The following ABCG8 variants were observed in gnomAD, a reference collection of about 807,000 sequenced individuals.
The protein encoded by ABCG8 is ATP binding cassette subfamily G member 8.
In ABCG8, 81 loss-of-function variants were observed where a neutral mutation model predicts 71.3. The observed-to-expected ratio is 1.14, with a 90% CI of 0.95 to 1.37. ABCG8 has a LOEUF of 1.37. Among genes scored for constraint, ABCG8 ranks in the 40% most tolerant of loss-of-function variants. The pLI is 0.00. For missense variants in ABCG8, 1,119 were observed against 866.2 expected (o/e 1.29, Z -3.66); for synonymous variants, 451 against 354.7 (o/e 1.27, Z -3.05).
In ABCG8 at chr2:43,882,844, A is replaced by G. The variant is rs1474044791; in HGVS notation, c.*4931A>G. The G allele has an allele frequency of 6.6e-6, 1 of 152,252 alleles. No individual in the cohort carries two copies. The highest frequency in any genetic ancestry group is 1.9e-4 in the East Asian group (1 of 5,200). The allele number at this position is 152,252 out of a possible 1,614,324, so 9.4% of individuals were successfully genotyped here. The stretch of plus-strand genomic sequence containing the variant: ...GATTTTTAAACACAAACCAACTCAA[A>G]AACACTTCTCTGCTTTCTATGTAAT... On this transcript the variant is annotated 3_prime_UTR_variant, in exon 13 of 13. Transcript: ENST00000272286.
At chr2:43,853,090 C>T (rs370345908) in intron 6 of ABCG8, among the ~76,000 whole-genome samples, 1 of 152,260 alleles carries the variant, frequency 6.6e-6, no homozygotes, top group Non-Finnish European at 1.5e-5. Flanking sequence ...CCCTTCTGTG[C>T]ATGATAGATT....
intron 6 of ABCG8, among the ~76,000 whole-genome samples, chr2:43,857,986 A>G (rs1469624223): frequency 1.3e-5 from 2 of 151,308 alleles, no homozygotes; most frequent in South Asian, 2.1e-4. Flanking sequence ...CTCACTATCT[A>G]TCTATAGAAT....
Position 43,852,493 on chromosome 2 carries a change from G to T in ABCG8, c.694+7G>T, listed in dbSNP as rs777435511. 3.9e-5 allele frequency: 63 copies of T among 1,613,148 alleles called. No homozygotes were observed. Among genetic ancestry groups the T allele is most frequent in the Non-Finnish European group, 5.3e-5 (62 of 1,179,598 alleles). Reference sequence around the variant, plus strand: ...CAGCTCCTGTGGAACCCAGGTGAGGGCCTGGGGGGCAGATGGGGGCAGAGG... The same window carrying T: ...CAGCTCCTGTGGAACCCAGGTGAGGTCCTGGGGGGCAGATGGGGGCAGAGG... On this transcript the variant is annotated splice_region_variant and intron_variant, in intron 5 of 12. Transcript: ENST00000272286.
At position 43,882,246 on chromosome 2, in the gene ABCG8, C is replaced by G. The variant is rs1424406600; in HGVS notation, c.*4333C>G. On this transcript the variant is annotated 3_prime_UTR_variant, in exon 13 of 13. Transcript: ENST00000272286. ...TCTACAGAGGTAGATCTCGCATTTG[C>G]TTTTGTTTTCTTCTACTTCAACTCT... The G allele has an allele frequency of 6.6e-6, 1 of 150,936 alleles. No individual in the cohort carries two copies. Among genetic ancestry groups the G allele is most frequent in the Non-Finnish European group, 1.5e-5 (1 of 67,712 alleles). 9.3% of individuals were successfully genotyped at this position (150,936 alleles called of 1,614,324 possible).
At chr2:43,856,206 A>C (rs571171166) in intron 6 of ABCG8, among the ~76,000 whole-genome samples, 1 of 150,030 alleles carries the variant, frequency 6.7e-6, no homozygotes, top group South Asian at 2.1e-4. Context: ...TTCTCACCCT[A>C]TGGGTAGAAC....
At chr2:43,864,681 A>G (rs1306902718) in intron 6 of ABCG8, among the ~76,000 whole-genome samples, 2 of 150,632 alleles carry the variant, frequency 1.3e-5, no homozygotes, top group Non-Finnish European at 1.5e-5. Context: ...TCTGCATAGA[A>G]CTCTCACTAT....
intron 4 of ABCG8, 144 bp from the exon 5 acceptor site, chr2:43,852,210 C>A (rs1350790671): frequency 8.7e-7 from 1 of 1,145,494 alleles, no homozygotes; most frequent in Admixed American, 1.9e-5. Context: ...ACCAATGTTG[C>A]AGCTTGGAAC....
Position 43,862,126 on chromosome 2 carries a change from AC to A in ABCG8, c.964+9260del, listed in dbSNP as rs1449760606. 2.0e-5 allele frequency among the ~76,000 whole-genome samples: 3 copies of A among 150,330 alleles called. No homozygotes were observed. In the East Asian group the frequency reaches 5.9e-4, roughly 30 times the overall value. ...TATCTTTCTGGATAGAACTCTTACT[AC>A]CTGGAAAGAACTCTCAGTATCTGGC... On this transcript the variant is annotated intron_variant, in intron 6 of 12. Coordinates refer to ENST00000272286, the MANE Select transcript of ABCG8 (RefSeq NM_022437.3).
Position 43,878,054 on chromosome 2 carries a change from T to A in ABCG8, c.*141T>A. ...CTACATCCGGCCCAGGGTGCTGCAG[T>A]GGCACAGACCAGCCACAGGATGGCA... is the stretch of plus-strand genomic sequence containing the variant. On this transcript the variant is annotated 3_prime_UTR_variant, in exon 13 of 13. Coordinates refer to ENST00000272286, the MANE Select transcript of ABCG8 (RefSeq NM_022437.3). The A allele has an allele frequency of 8.1e-7, 1 of 1,238,770 alleles. No homozygotes were observed. Among genetic ancestry groups the A allele is most frequent in the Non-Finnish European group, 1.1e-6 (1 of 869,982 alleles). 76.7% of individuals were successfully genotyped at this position (1,238,770 alleles called of 1,614,324 possible).
chr2:43,852,614 A>T lies in ABCG8; in HGVS notation c.710A>T (p.Asp237Val), dbSNP rs1163985023. 1.9e-6 allele frequency: 3 copies of T among 1,614,034 alleles called. No individual in the cohort carries two copies. Among genetic ancestry groups the T allele is most frequent in the Non-Finnish European group, 2.5e-6 (3 of 1,179,974 alleles). ...LLWNPGILIL[D>V]EPTSGLDSFT... ...TGTTGGAAAGGAATCCTTATTCTCG[A>T]CGAACCCACCTCTGGGCTCGACAGC... The change falls in exon 6 of 13, where the codon GAC (aspartate) becomes GTC (valine). Residue 237 changes from aspartate (D) to valine (V), a missense_variant. By Grantham distance (152) the Asp-to-Val change is radical. Transcript: ENST00000272286.
At chr2:43,858,213 A>C (rs1558822157) in intron 6 of ABCG8, among the ~76,000 whole-genome samples, 1 of 151,596 alleles carries the variant, frequency 6.6e-6, no homozygotes, top group Non-Finnish European at 1.5e-5. Flanking sequence ...TAGAATTCTC[A>C]CTCTCTGGAT....
chr2:43,840,167 G>A (rs1379172407), intron 1 of ABCG8, among the ~76,000 whole-genome samples: 3 of 152,112 alleles, frequency 2.0e-5, no homozygotes, highest in East Asian at 1.9e-4. Context: ...AAGCATGATC[G>A]AGGATTCCAC....
In ABCG8 at chr2:43,852,369, G is replaced by A. The variant is rs756574701; in HGVS notation, c.577G>A (p.Ala193Thr). Residue 193 changes from alanine (A) to threonine (T), a missense_variant, in exon 5 of 13, where the codon GCG becomes ACG. Coordinates refer to ENST00000272286, the MANE Select transcript of ABCG8 (RefSeq NM_022437.3). ...TGGCCCACAGGTGGAGGACGTGATC[G>A]CGGAGCTGCGGCTTAGGCAGTGCGC... ...QRDKRVEDVI[A>T]ELRLRQCADT... 6.2e-6 allele frequency: 10 copies of A among 1,612,252 alleles called. No individual in the cohort carries two copies. The highest frequency in any genetic ancestry group is 3.3e-5 in the South Asian group (3 of 90,998).
chr2:43,851,657 C>T lies in ABCG8; in HGVS notation c.396C>T (p.Ile132=). Residue 132 remains isoleucine (I), a synonymous_variant, in exon 4 of 13, where the codon ATC becomes ATT. Coordinates refer to ENST00000272286, the MANE Select transcript of ABCG8 (RefSeq NM_022437.3). ...GCGGCAAGATCAAGTCAGGCCAGAT[C>T]TGGATCAATGGGCAGCCCAGCTCGC... is the stretch of plus-strand genomic sequence containing the variant. ...GHGGKIKSGQ[I]WINGQPSSPQ... 1.2e-6 allele frequency: 2 copies of T among 1,614,244 alleles called. No individual in the cohort carries two copies. Among genetic ancestry groups the T allele is most frequent in the Non-Finnish European group, 1.7e-6 (2 of 1,180,048 alleles).
intron 1 of ABCG8, among the ~76,000 whole-genome samples, chr2:43,841,097 T>G (rs1012544605): frequency 6.6e-6 from 1 of 152,174 alleles, no homozygotes; most frequent in African/African-American, 2.4e-5. Context: ...CTAGGCTGAA[T>G]GTTTCGATAA....
At chr2:43,870,465 C>G (rs1414429969) in intron 6 of ABCG8, among the ~76,000 whole-genome samples, 1 of 152,112 alleles carries the variant, frequency 6.6e-6, no homozygotes, top group Non-Finnish European at 1.5e-5. Flanking sequence ...TTCTCACTAT[C>G]TGGGTAGTAT....
chr2:43,846,071 G>T lies in ABCG8; in HGVS notation c.166-84G>T, dbSNP rs1178314724. On this transcript the variant is annotated intron_variant, in intron 2 of 12. Coordinates refer to ENST00000272286, the MANE Select transcript of ABCG8 (RefSeq NM_022437.3). ...TATCCTCTGTGGAGAGGGGCCACCT[G>T]GGGAACGAAGATGCTGAACAGAAGT... is the stretch of plus-strand genomic sequence containing the variant. The T allele has an allele frequency of 4.7e-6, 7 of 1,492,688 alleles. No homozygotes were observed. In the Admixed American group the frequency reaches 1.2e-4, roughly 25 times the overall value. The allele number at this position is 1,492,688 out of a possible 1,614,324, so 92.5% of individuals were successfully genotyped here.
At position 43,864,921 on chromosome 2, in the gene ABCG8, T is replaced by A. The variant is rs188846953; in HGVS notation, c.965-7055T>A. 8.2e-3 allele frequency among the ~76,000 whole-genome samples: 1,181 copies of A among 143,752 alleles called. 18 individuals carry two copies. Among genetic ancestry groups the A allele is most frequent in the African/African-American group, 0.028 (1,061 of 38,336 alleles). The allele number at this position is 143,752 out of a possible 152,430, so 94.3% of individuals were successfully genotyped here. A position where few individuals can be genotyped will look rare whatever the true frequency, so the allele number is the denominator to read the frequency against. On this transcript the variant is annotated intron_variant, in intron 6 of 12. Transcript: ENST00000272286. ...CTCACTATCTGGATAGAATTGTAACTCTCTGCATATAACTCTCACTATCTA... is the reference window on the plus strand; with the variant it reads ...CTCACTATCTGGATAGAATTGTAACACTCTGCATATAACTCTCACTATCTA...
intron 2 of ABCG8, among the ~76,000 whole-genome samples, chr2:43,845,716 A>G (rs752339633): frequency 3.3e-5 from 5 of 151,900 alleles, no homozygotes; most frequent in African/African-American, 4.8e-5. Context: ...CTGCCTCCCA[A>G]ATTCAAGTGA....
Sources: allele counts gnomAD v4.1 joint callset (sites outside exome capture counted in the v4.1 genomes callset), GRCh38; gene constraint gnomAD v4.1.1; transcripts MANE v1.5; gene names NCBI Gene and HGNC (gene_info 2026-07-23, HGNC 2026-07-21).